GRIK4: variants seen among roughly 807,000 people sequenced by gnomAD.
GRIK4 encodes the protein glutamate ionotropic receptor kainate type subunit 4, also known as glutamate receptor ionotropic, kainate 4.
Under a neutral mutation model 104.9 loss-of-function variants are expected in GRIK4, and 40 were observed. The observed-to-expected ratio is 0.38, with a 90% CI of 0.30 to 0.50. GRIK4 has a LOEUF of 0.50. Ranked by LOEUF, GRIK4 falls within the 20% of genes least tolerant of loss-of-function variation. The pLI is 0.93. For missense variants in GRIK4, 1,047 were observed against 1,308.1 expected (o/e 0.80, Z 3.08); for synonymous variants, 485 against 524.9 (o/e 0.92, Z 1.04).
At chr11:120,900,935 C>T (rs752480342) in intron 12 of GRIK4, among the ~76,000 whole-genome samples, 7 of 152,170 alleles carry the variant, frequency 4.6e-5, no homozygotes. Flanking sequence ...GGGGGTGCAG[C>T]ACCCAGTGTG....
intron 3 of GRIK4, among the ~76,000 whole-genome samples, chr11:120,747,677 G>A (rs1035669194): frequency 1.2e-4 from 19 of 152,164 alleles, no homozygotes; most frequent in African/African-American, 4.6e-4. Context: ...TGGTATTTTC[G>A]CTTAGTGATT....
At chr11:120,688,320 C>T (rs551414327) in intron 3 of GRIK4, among the ~76,000 whole-genome samples, 12 of 152,198 alleles carry the variant, frequency 7.9e-5, no homozygotes, top group Non-Finnish European at 1.8e-4. Context: ...TCCCACCCTA[C>T]CCCGAAGAGG....
chr11:120,804,751 A>G (rs1248636605), intron 4 of GRIK4, among the ~76,000 whole-genome samples: 2 of 152,176 alleles, frequency 1.3e-5, no homozygotes, highest in Non-Finnish European at 2.9e-5. Flanking sequence ...AGTGCCTCTT[A>G]ATGTGCATCC....
intron 11 of GRIK4, among the ~76,000 whole-genome samples, chr11:120,897,802 T>C (rs1942628260): frequency 2.0e-5 from 3 of 151,894 alleles, no homozygotes; most frequent in Non-Finnish European, 4.4e-5. Context: ...ATTATCCCCA[T>C]TTTTTAGATG....
intron 14 of GRIK4, among the ~76,000 whole-genome samples, chr11:120,950,604 C>G (rs1380859480): frequency 6.6e-6 from 1 of 152,086 alleles, no homozygotes; most frequent in East Asian, 1.9e-4. Flanking sequence ...CAAAAAAGAC[C>G]CCAGGAGTGG....
rs148361139 is a variant in GRIK4, at chr11:120,907,931, G to T, written c.1476+2438G>T. On this transcript the variant is annotated intron_variant, in intron 13 of 20. Transcript: ENST00000527524. The stretch of plus-strand genomic sequence containing the variant: ...TGACACTGGGACCCCACCATCCCCA[G>T]GTTTGAAGGATTGGGATGTTTTCCA... Among the ~76,000 whole-genome samples the T allele has an allele frequency of 3.9e-4, 60 of 152,274 alleles. No homozygotes were observed. The Middle Eastern group carries it at 0.01, about 26-fold the overall frequency.
chr11:120,579,888 C>G (rs1948545862), intron 1 of GRIK4, among the ~76,000 whole-genome samples: 1 of 152,152 alleles, frequency 6.6e-6, no homozygotes, highest in Non-Finnish European at 1.5e-5. Context: ...TTCCCCCACA[C>G]CCCCGGCAGT....
At chr11:120,983,191 C>T (rs1944681176) in intron 20 of GRIK4, among the ~76,000 whole-genome samples, 1 of 152,156 alleles carries the variant, frequency 6.6e-6, no homozygotes, top group Non-Finnish European at 1.5e-5. Flanking sequence ...CTCTTTTGCC[C>T]CTGTATTTTT....
chr11:120,931,485 A>T (rs1943480534), intron 13 of GRIK4, among the ~76,000 whole-genome samples: 1 of 152,156 alleles, frequency 6.6e-6, no homozygotes, highest in African/African-American at 2.4e-5. Flanking sequence ...GCCTCCCTTC[A>T]ATCTTTTTCT....
intron 13 of GRIK4, among the ~76,000 whole-genome samples, chr11:120,910,984 A>C (rs532656683): frequency 6.6e-6 from 1 of 152,274 alleles, no homozygotes; most frequent in African/African-American, 2.4e-5. Flanking sequence ...GGGGCCATGA[A>C]GGTGCAGGGG....
intron 11 of GRIK4, among the ~76,000 whole-genome samples, chr11:120,893,661 C>G (rs181522217): frequency 5.4e-4 from 83 of 152,360 alleles, no homozygotes; most frequent in African/African-American, 1.9e-3. Context: ...TTGCCCCAGC[C>G]TGCAAGAGTC....
chr11:120,800,546 C>T (rs533034713), intron 3 of GRIK4, among the ~76,000 whole-genome samples: 2 of 152,300 alleles, frequency 1.3e-5, no homozygotes, highest in South Asian at 4.2e-4. Flanking sequence ...GGTGGCTAAT[C>T]ACCCCAGGTA....
chr11:120,738,630 G>A (rs1266230101), intron 3 of GRIK4, among the ~76,000 whole-genome samples: 1 of 152,206 alleles, frequency 6.6e-6, no homozygotes, highest in African/African-American at 2.4e-5. Context: ...GCAGCCAGCT[G>A]CTGTTCTACA....
At chr11:120,571,677 C>A (rs1412286450) in intron 1 of GRIK4, among the ~76,000 whole-genome samples, 1 of 152,082 alleles carries the variant, frequency 6.6e-6, no homozygotes, top group South Asian at 2.1e-4. Context: ...CTGGCCCACC[C>A]CCCTCATCTC....
At chr11:120,597,209 A>C (rs867158907) in intron 1 of GRIK4, among the ~76,000 whole-genome samples, 8 of 151,814 alleles carry the variant, frequency 5.3e-5, no homozygotes, top group Middle Eastern at 6.8e-3. Context: ...AGCTCCACTC[A>C]CCTTGCGGGG....
At chr11:120,734,375 C>T (rs1167060078) in intron 3 of GRIK4, among the ~76,000 whole-genome samples, 1 of 152,176 alleles carries the variant, frequency 6.6e-6, no homozygotes, top group Non-Finnish European at 1.5e-5. Flanking sequence ...TCTCCCCTAA[C>T]CTGTAAGGTT....
chr11:120,619,551 A>G (rs748579786), intron 1 of GRIK4, among the ~76,000 whole-genome samples: 1 of 152,200 alleles, frequency 6.6e-6, no homozygotes, highest in Non-Finnish European at 1.5e-5. Flanking sequence ...CCCAAAGCTC[A>G]TGTGGAATTG....
At chr11:120,870,664 C>T (rs1209069249) in intron 9 of GRIK4, 1 of 151,726 alleles carries the variant, frequency 6.6e-6, no homozygotes, top group African/African-American at 2.4e-5. Context: ...TGCTTTGTGA[C>T]CTTGGGCAAG....
intron 19 of GRIK4, among the ~76,000 whole-genome samples, chr11:120,973,368 T>A (rs1023667381): frequency 2.0e-5 from 3 of 152,110 alleles, no homozygotes; most frequent in African/African-American, 7.2e-5. Flanking sequence ...CACCACACTT[T>A]GGGACCAAAT....
Sources: allele counts gnomAD v4.1 joint callset (sites outside exome capture counted in the v4.1 genomes callset), GRCh38; gene constraint gnomAD v4.1.1; transcripts MANE v1.5; gene names NCBI Gene and HGNC (gene_info 2026-07-23, HGNC 2026-07-21).